XCR1: variants seen among roughly 807,000 people sequenced by gnomAD.
XCR1 encodes X-C motif chemokine receptor 1, also known as chemokine XC receptor 1.
For synonymous variants in XCR1, 187 were observed against 188.5 expected (o/e 0.99, Z 0.06); for missense variants, 356 against 424.2 (o/e 0.84, Z 1.41).
At chr3:46,075,908 T>A (rs1375906023) in intron 2 of XCR1, among the ~76,000 whole-genome samples, 1 of 152,200 alleles carries the variant, frequency 6.6e-6, no homozygotes, top group Non-Finnish European at 1.5e-5. Context: ...TACCAAATTC[T>A]GACAAGGATG....
At chr3:46,074,229 T>TTTTTTTTTTTTTTTTTG (rs1698214279) in intron 3 of XCR1, among the ~76,000 whole-genome samples, 1 of 146,116 alleles carries the variant, frequency 6.8e-6, no homozygotes, top group African/African-American at 2.6e-5. Flanking sequence ...TTTTTTTTTT[T>TTTTTTTTTTTTTTTTTG]TTTTTTTTTT....
intron 1 of XCR1, among the ~76,000 whole-genome samples, chr3:46,085,535 C>T (rs1195255020): frequency 1.3e-5 from 2 of 152,316 alleles, no homozygotes; most frequent in East Asian, 3.9e-4. Context: ...CCCTTCACAG[C>T]AAATTTCTTG....
At chr3:46,046,239 AG>A (rs1697624828) in intron 5 of XCR1, among the ~76,000 whole-genome samples, 1 of 152,208 alleles carries the variant, frequency 6.6e-6, no homozygotes, top group Admixed American at 6.5e-5. Flanking sequence ...ATTTGGAAGA[AG>A]GGGTCAGGGG....
At position 46,017,407 on chromosome 3, in the gene XCR1, G is replaced by A. The variant is rs1281183696; in HGVS notation, c.*3539C>T. On this transcript the variant is annotated 3_prime_UTR_variant, in exon 2 of 2. Transcript: ENST00000309285. ...CTTAATTCCAAACAAAAAAGATGAT[G>A]TTTAGGCCGGTGGGCCCCAGACAAG... 2 of 152,248 alleles carry A rather than the reference G, an allele frequency of 1.3e-5. No homozygotes were observed. The highest frequency in any genetic ancestry group is 4.8e-5 in the African/African-American group (2 of 41,476). 9.4% of individuals were successfully genotyped at this position (152,248 alleles called of 1,614,324 possible).
intron 3 of XCR1, among the ~76,000 whole-genome samples, chr3:46,069,114 G>C (rs1383967190): frequency 6.6e-6 from 1 of 151,816 alleles, no homozygotes; most frequent in Non-Finnish European, 1.5e-5. Flanking sequence ...GTATTGCTGA[G>C]AAAACAATTT....
chr3:46,041,758 G>C (rs1697540741), intron 5 of XCR1, among the ~76,000 whole-genome samples: 1 of 152,184 alleles, frequency 6.6e-6, no homozygotes, highest in Non-Finnish European at 1.5e-5. Flanking sequence ...CTCCCAAAAA[G>C]TATCAAATAA....
At chr3:46,076,461 C>T (rs1336540276) in intron 2 of XCR1, among the ~76,000 whole-genome samples, 1 of 151,696 alleles carries the variant, frequency 6.6e-6, no homozygotes, top group Non-Finnish European at 1.5e-5. Flanking sequence ...TGTGCCTCAG[C>T]TTCCTCAGCT....
intron 5 of XCR1, among the ~76,000 whole-genome samples, chr3:46,047,062 C>G (rs1697648074): frequency 8.1e-6 from 1 of 124,164 alleles, no homozygotes; most frequent in African/African-American, 2.9e-5. Context: ...AACATTGCCA[C>G]TTCAGTTTGT....
intron 5 of XCR1, among the ~76,000 whole-genome samples, chr3:46,037,114 T>C (rs1697444041): frequency 6.6e-6 from 1 of 152,138 alleles, no homozygotes; most frequent in Admixed American, 6.5e-5. Context: ...TGGTAGGCAG[T>C]TGAGGGTTTC....
intron 5 of XCR1, among the ~76,000 whole-genome samples, chr3:46,039,937 T>C (rs1697509256): frequency 6.6e-6 from 1 of 152,152 alleles, no homozygotes; most frequent in Admixed American, 6.5e-5. Context: ...TTATAAAAGG[T>C]TACAAAAGGT....
In XCR1 at chr3:46,023,786, A is replaced by G. The variant is rs189659509; in HGVS notation, c.-31-1808T>C. On this transcript the variant is annotated intron_variant, in intron 1 of 1. Coordinates refer to ENST00000309285, the MANE Select transcript of XCR1 (RefSeq NM_001024644.2). Reference sequence around the variant, plus strand: ...ATTGGAAGCAAAGCCCCAGAAGATGATAAAACAATTATAGAGGAATAGGCA... The same window carrying G: ...ATTGGAAGCAAAGCCCCAGAAGATGGTAAAACAATTATAGAGGAATAGGCA... 1,898 of 1,542,950 alleles carry G rather than the reference A, an allele frequency of 1.2e-3. 4 individuals are homozygous for G. Among genetic ancestry groups the G allele is most frequent in the Middle Eastern group, 8.1e-3 (37 of 4,582 alleles).
At chr3:46,043,830 TG>T (rs932005046) in intron 5 of XCR1, among the ~76,000 whole-genome samples, 5 of 152,016 alleles carry the variant, frequency 3.3e-5, no homozygotes, top group African/African-American at 9.7e-5. Context: ...AATTAGAGAA[TG>T]TTTTTTTAAA....
chr3:46,046,687 A>G (rs1053040291), intron 5 of XCR1, among the ~76,000 whole-genome samples: 1 of 152,216 alleles, frequency 6.6e-6, no homozygotes, highest in Non-Finnish European at 1.5e-5. Flanking sequence ...TATAAACAGA[A>G]GACAGAGACA....
intron 3 of XCR1, among the ~76,000 whole-genome samples, chr3:46,069,495 C>A (rs1370998044): frequency 6.6e-6 from 1 of 152,126 alleles, no homozygotes; most frequent in Non-Finnish European, 1.5e-5. Flanking sequence ...ACATGGTAAC[C>A]TCCTCTATCT....
intron 1 of XCR1, among the ~76,000 whole-genome samples, chr3:46,025,418 A>AAGAG (rs897003864): frequency 2.4e-4 from 36 of 150,046 alleles, no homozygotes; most frequent in African/African-American, 6.4e-4. Flanking sequence ...GAAATAAAGA[A>AAGAG]AGAGAGAGAG....
At chr3:46,057,982 C>T (rs1032342502) in intron 4 of XCR1, among the ~76,000 whole-genome samples, 12 of 151,836 alleles carry the variant, frequency 7.9e-5, no homozygotes, top group African/African-American at 2.9e-4. Flanking sequence ...TATCATCTAT[C>T]GATCATCTAT....
intron 5 of XCR1, among the ~76,000 whole-genome samples, chr3:46,040,002 GT>G (rs1411450122): frequency 6.6e-6 from 1 of 152,088 alleles, no homozygotes; most frequent in Admixed American, 6.6e-5. Context: ...TGTTTATAAG[GT>G]TTTATTAAAG....
chr3:46,050,941 C>T (rs538180438), intron 5 of XCR1, among the ~76,000 whole-genome samples: 116 of 152,238 alleles, frequency 7.6e-4, no homozygotes, highest in African/African-American at 2.6e-3. Flanking sequence ...TAACAAATAC[C>T]GGTGAATTCC....
chr3:46,029,836 T>G (rs1280969783), upstream of XCR1, among the ~76,000 whole-genome samples: 1 of 100,214 alleles, frequency 1.0e-5, no homozygotes, highest in Non-Finnish European at 1.9e-5. Context: ...TCTTCTTTAG[T>G]TTTTTTTCCA....
Sources: allele counts gnomAD v4.1 joint callset (sites outside exome capture counted in the v4.1 genomes callset), GRCh38; gene constraint gnomAD v4.1.1; transcripts MANE v1.5; gene names NCBI Gene and HGNC (gene_info 2026-07-23, HGNC 2026-07-21).